Variants in C1orf94 observed in about 807,000 individuals in gnomAD.
The protein encoded by C1orf94 is chromosome 1 open reading frame 94.
A neutral mutation model predicts 53.6 loss-of-function variants in C1orf94; 45 were observed. The observed-to-expected ratio is 0.84, with a 90% CI of 0.66 to 1.08. C1orf94 has a LOEUF of 1.08. C1orf94 is among the 50% of genes least tolerant of loss of function. The pLI is 0.00. For synonymous variants in C1orf94, 304 were observed against 296.1 expected (o/e 1.03, Z -0.27); for missense variants, 762 against 738.9 (o/e 1.03, Z -0.36).
intron 1 of C1orf94, among the ~76,000 whole-genome samples, chr1:34,168,667 T>G (rs1642090996): frequency 6.6e-6 from 1 of 152,206 alleles, no homozygotes; most frequent in South Asian, 2.1e-4. Flanking sequence ...CTCTGAGGCT[T>G]CTCTCTCTGG....
intron 1 of C1orf94, among the ~76,000 whole-genome samples, chr1:34,193,504 C>T (rs1379593682): frequency 6.6e-6 from 1 of 152,140 alleles, no homozygotes. Flanking sequence ...GGGAACAACG[C>T]CTGGCCAGGG....
chr1:34,182,501 T>A (rs547529655), intron 1 of C1orf94, among the ~76,000 whole-genome samples: 1 of 152,122 alleles, frequency 6.6e-6, no homozygotes, highest in African/African-American at 2.4e-5. Flanking sequence ...GGAGAGGAAG[T>A]GGGAGGCCTC....
intron 1 of C1orf94, among the ~76,000 whole-genome samples, chr1:34,190,436 A>C (rs1049717649): frequency 3.3e-5 from 5 of 152,112 alleles, no homozygotes; most frequent in African/African-American, 9.7e-5. Flanking sequence ...ATCCACTTGA[A>C]CATTATTCCC....
chr1:34,170,204 A>G (rs1571330905), intron 1 of C1orf94, among the ~76,000 whole-genome samples: 2 of 152,180 alleles, frequency 1.3e-5, no homozygotes, highest in Non-Finnish European at 1.5e-5. Flanking sequence ...TCATTTGTTC[A>G]TGCCACACTG....
At chr1:34,185,621 C>T (rs1642373626) in intron 1 of C1orf94, among the ~76,000 whole-genome samples, 1 of 152,210 alleles carries the variant, frequency 6.6e-6, no homozygotes, top group South Asian at 2.1e-4. Flanking sequence ...CACGTCCTGG[C>T]AGTCCCCCTT....
At chr1:34,215,012 A>C (rs1456480148) in intron 6 of C1orf94, among the ~76,000 whole-genome samples, 1 of 152,204 alleles carries the variant, frequency 6.6e-6, no homozygotes, top group East Asian at 1.9e-4. Flanking sequence ...AATGAAGTGA[A>C]CGAAAAAAAG....
intron 1 of C1orf94, among the ~76,000 whole-genome samples, chr1:34,190,081 ACCTTCCT>A (rs1642458522): frequency 6.6e-6 from 1 of 152,148 alleles, no homozygotes; most frequent in African/African-American, 2.4e-5. Context: ...ACATCTTTTA[ACCTTCCT>A]GAGCCTCAAT....
intron 2 of C1orf94, among the ~76,000 whole-genome samples, chr1:34,200,338 A>C (rs911786092): frequency 6.6e-6 from 1 of 152,178 alleles, no homozygotes; most frequent in Non-Finnish European, 1.5e-5. Context: ...TAGTGGAAGG[A>C]ATGAGGAAAA....
rs1203142597 is a variant in C1orf94, at chr1:34,212,229, A to G, written c.1544A>G (p.Gln515Arg). Residue 515 changes from glutamine (Q) to arginine (R), a missense_variant, in exon 6 of 7, where the codon CAG becomes CGG. Transcript: ENST00000488417. ...GTGCAGGTGATGCCATACAACCCAC[A>G]GCAGATGGGACAGCAGATCTTCCGC... ...YSQQVMPYNP[Q>R]QMGQQIFRSS... is the part of the protein sequence containing the mutation. The G allele has an allele frequency of 2.5e-6, 4 of 1,612,248 alleles. No homozygotes were observed. In the South Asian group the frequency reaches 4.4e-5, roughly 18 times the overall value.
chr1:34,199,869 G>C (rs1025104002), intron 2 of C1orf94, among the ~76,000 whole-genome samples: 4 of 152,158 alleles, frequency 2.6e-5, no homozygotes, highest in African/African-American at 9.7e-5. Flanking sequence ...TGCCTGCCAT[G>C]CCTTCCTCCC....
chr1:34,197,092 G>T lies in C1orf94; in HGVS notation c.321-133G>T, dbSNP rs145353992. ...CTCTGGGGGTCCAGTGTGTCTGCTG[G>T]GTTATCTTGCCTGGAAGTGTGTTTT... On this transcript the variant is annotated intron_variant, in intron 1 of 6. Transcript: ENST00000488417. This position sits in a 1 kb window ranked among gnomAD's most constrained non-coding sequence, Gnocchi z 4.1. 4 of 794,810 alleles carry T rather than the reference G, an allele frequency of 5.0e-6. No individual in the cohort carries two copies. Among genetic ancestry groups the T allele is most frequent in the Non-Finnish European group, 7.9e-6 (4 of 505,064 alleles). The allele number at this position is 794,810 out of a possible 1,614,324, so 49.2% of individuals were successfully genotyped here. A position where few individuals can be genotyped will look rare whatever the true frequency, so the allele number is the denominator to read the frequency against.
Position 34,177,292 on chromosome 1 carries a change from G to A in C1orf94, c.-498G>A, listed in dbSNP as rs888612143. On this transcript the variant is annotated 5_prime_UTR_variant, in exon 1 of 7. Coordinates refer to ENST00000488417, the MANE Select transcript of C1orf94 (RefSeq NM_001134734.2). ...GCGAGGGGCTCCCTGGGAACGCCCAGGCGAGCGCCTCCTGCGGGGCCCCGC... is the reference window on the plus strand; with the variant it reads ...GCGAGGGGCTCCCTGGGAACGCCCAAGCGAGCGCCTCCTGCGGGGCCCCGC... Among the ~76,000 whole-genome samples, 13 of 152,340 alleles carry A rather than the reference G, an allele frequency of 8.5e-5. No individual in the cohort carries two copies. The highest frequency in any genetic ancestry group is 2.6e-4 in the Admixed American group (4 of 15,314).
In C1orf94 at chr1:34,208,159, C is replaced by T. The variant is rs1409291496; in HGVS notation, c.1449C>T (p.Gly483=). 6 of 1,613,976 alleles carry T rather than the reference C, an allele frequency of 3.7e-6. No homozygotes were observed. The highest frequency in any genetic ancestry group is 1.3e-5 in the African/African-American group (1 of 74,946). The change falls in exon 5 of 7, where the codon GGC becomes GGT. Residue 483 remains glycine, a splice_region_variant and synonymous_variant. Transcript: ENST00000488417. The part of the protein sequence containing the change: ...TNHSTFLQYQ[G]LYPQQAARMP... ...ACTGAGCCTCTGTTTCTCCCCAGGG[C>T]CTGTACCCACAGCAGGCAGCGAGGA...
Position 34,218,793 on chromosome 1 carries a change from C to T in C1orf94, c.*32C>T. 1.3e-6 allele frequency: 2 copies of T among 1,588,642 alleles called. No homozygotes were observed. Among genetic ancestry groups the T allele is most frequent in the East Asian group, 2.2e-5 (1 of 44,572 alleles). ...TCTTCTCCCTTCTCCTCCCTTAGCCCTTGGATCAGGACTAGGGGCTCTGAT... is the reference window on the plus strand; with the variant it reads ...TCTTCTCCCTTCTCCTCCCTTAGCCTTTGGATCAGGACTAGGGGCTCTGAT... On this transcript the variant is annotated 3_prime_UTR_variant, in exon 7 of 7. Coordinates refer to ENST00000488417, the MANE Select transcript of C1orf94 (RefSeq NM_001134734.2).
At chr1:34,211,815 G>A (rs1466224579) in intron 5 of C1orf94, among the ~76,000 whole-genome samples, 1 of 152,100 alleles carries the variant, frequency 6.6e-6, no homozygotes, top group African/African-American at 2.4e-5. Context: ...GCTTTTTGGG[G>A]ATAATGAAAG....
At chr1:34,195,779 GGT>G (rs67390104) in intron 1 of C1orf94, among the ~76,000 whole-genome samples, 14,264 of 144,766 alleles carry the variant, frequency 0.099, 1,009 homozygotes, top group African/African-American at 0.21. Context: ...TCTGTTCGTG[GGT>G]GTGTGTGTGT....
intron 1 of C1orf94, among the ~76,000 whole-genome samples, chr1:34,180,541 A>T (rs1003503073): frequency 2.0e-5 from 3 of 152,224 alleles, no homozygotes; most frequent in African/African-American, 7.2e-5. Context: ...TCCTACAGTT[A>T]GGAAGTAGTA....
At chr1:34,218,229 G>A (rs1643021703) in intron 6 of C1orf94, among the ~76,000 whole-genome samples, 1 of 152,172 alleles carries the variant, frequency 6.6e-6, no homozygotes, top group African/African-American at 2.4e-5. Context: ...AGGGGAGGAG[G>A]GACTCTGGGA....
chr1:34,194,933 A>T (rs145030873), intron 1 of C1orf94, among the ~76,000 whole-genome samples: 5 of 152,238 alleles, frequency 3.3e-5, no homozygotes, highest in African/African-American at 9.6e-5. Context: ...TTTGAGGTGG[A>T]TGAAGAGGAA....
Sources: gnomAD v4.1 joint callset for allele counts (sites outside exome capture counted in the v4.1 genomes callset) on GRCh38, gnomAD v4.1.1 for gene constraint, Gnocchi (gnomAD v3.1) non-coding constraint, MANE v1.5 for transcripts, NCBI Gene and HGNC (gene_info 2026-07-23, HGNC 2026-07-21) for gene names.